Variants in LAMA3 observed in about 807,000 individuals in gnomAD.
The protein encoded by LAMA3 is laminin subunit alpha 3.
In LAMA3, 281 loss-of-function variants were observed where a neutral mutation model predicts 402.0. The observed-to-expected ratio is 0.70, with a 90% CI of 0.63 to 0.77. The LOEUF (loss-of-function observed/expected upper bound fraction) is 0.77, where lower values mean the gene tolerates loss of function less well. LAMA3 is among the 30% of genes least tolerant of loss of function. LAMA3 has a pLI of 0.00. For synonymous variants in LAMA3, 1,431 were observed against 1,558.4 expected, an observed-to-expected ratio of 0.92 and a Z score of 1.93; for missense variants, 3,840 against 4,215.5, an observed-to-expected ratio of 0.91 and a Z score of 2.47.
intron 8 of LAMA3, among the ~76,000 whole-genome samples, chr18:23,767,427 A>T (rs1197604135): frequency 6.6e-6 from 1 of 152,186 alleles, no homozygotes; most frequent in Non-Finnish European, 1.5e-5. Flanking sequence ...GGCAAAAAGA[A>T]CAAAGCCAGA....
chr18:23,826,669 T>A lies in LAMA3; in HGVS notation c.2572-33T>A, dbSNP rs1173270766. The A allele has an allele frequency of 3.6e-6, 5 of 1,401,208 alleles. No individual in the cohort carries two copies. The Admixed American group carries it at 5.9e-5, about 17-fold the overall frequency. The allele number at this position is 1,401,208 out of a possible 1,614,324, so 86.8% of individuals were successfully genotyped here. ...ATCCAAAGTAGGGCTACCATCAAAA[T>A]GAATGATTCTCCTTTTGGTCTTTAT... On this transcript the variant is annotated intron_variant, in intron 21 of 74. Transcript: ENST00000313654.
intron 54 of LAMA3, 118 bp downstream of exon 54, chr18:23,908,053 A>G: frequency 1.1e-6 from 1 of 933,630 alleles, no homozygotes; most frequent in Non-Finnish European, 1.7e-6. Flanking sequence ...ATTAGAAAAC[A>G]GCTCCACCTG....
intron 32 of LAMA3, among the ~76,000 whole-genome samples, chr18:23,853,218 C>T (rs369701903): frequency 6.6e-6 from 1 of 152,228 alleles, no homozygotes; most frequent in South Asian, 2.1e-4. Context: ...AGATTTTGGG[C>T]TCTAGGTTAA....
At chr18:23,751,673 T>A (rs2061755014) in intron 5 of LAMA3, among the ~76,000 whole-genome samples, 1 of 152,188 alleles carries the variant, frequency 6.6e-6, no homozygotes, top group African/African-American at 2.4e-5. Flanking sequence ...GGCTGGGTGA[T>A]GTCATCTAGC....
chr18:23,801,122 C>T (rs984682447), intron 12 of LAMA3, among the ~76,000 whole-genome samples: 1 of 152,154 alleles, frequency 6.6e-6, no homozygotes, highest in Non-Finnish European at 1.5e-5. Context: ...AGAATGAACT[C>T]ATGTCCTTTG....
intron 14 of LAMA3, among the ~76,000 whole-genome samples, chr18:23,813,583 G>A (rs1324477797): frequency 9.2e-5 from 10 of 109,174 alleles, no homozygotes; most frequent in East Asian, 8.0e-4. Context: ...TGCTCTTGTC[G>A]CCCAGGCCGG....
intron 2 of LAMA3, among the ~76,000 whole-genome samples, chr18:23,717,245 C>T (rs893060825): frequency 6.6e-6 from 1 of 152,092 alleles, no homozygotes; most frequent in African/African-American, 2.4e-5. Context: ...TGGAATTAAC[C>T]ATGAGAATGT....
At chr18:23,881,907 T>C (rs2064907563) in intron 39 of LAMA3, 29 bp from the exon 40 acceptor site, 1 of 1,408,930 alleles carries the variant, frequency 7.1e-7, no homozygotes, top group South Asian at 1.2e-5. Context: ...TACTGGCTGC[T>C]GTGAATTGTG....
At position 23,839,911 on chromosome 18, in the gene LAMA3, C is replaced by T. The variant is rs2063661179; in HGVS notation, c.3318C>T (p.Val1106=). Residue 1106 remains valine, a synonymous_variant, in exon 27 of 75, where the codon GTC becomes GTT. Coordinates refer to ENST00000313654, the MANE Select transcript of LAMA3 (RefSeq NM_198129.4). The surrounding 1 kb of genome is among the most constrained non-coding windows in gnomAD (Gnocchi z 4.5). ...CTTCTGTTGATGTTCTTCCTGGGGT[C>T]ACCTTGAAGGCACCGCAGGTAGTGT... ...SSPSVDVLPG[V]TLKAPQNQVT... 6.2e-6 allele frequency: 10 copies of T among 1,614,074 alleles called. No individual in the cohort carries two copies. The African/African-American group carries it at 1.1e-4, about 17-fold the overall frequency.
At chr18:23,748,930 T>C (rs751028442) in intron 3 of LAMA3, among the ~76,000 whole-genome samples, 8 of 152,322 alleles carry the variant, frequency 5.3e-5, no homozygotes, top group Middle Eastern at 3.4e-3. Context: ...ACCTGTAAGA[T>C]GGTAGAAGCT....
Position 23,933,781 on chromosome 18 carries a change from G to T in LAMA3, c.8709-1G>T, listed in dbSNP as rs1162878594. ...ATCTTTCATTTCTGCTCTTTTTCCA[G>T]GTTATCACTGAGTCCTGAAGTCCTA... On this transcript the variant is annotated splice_acceptor_variant, in intron 66 of 74. Coordinates refer to ENST00000313654, the MANE Select transcript of LAMA3 (RefSeq NM_198129.4). LOFTEE classifies it high-confidence loss of function. The T allele has an allele frequency of 6.2e-7, 1 of 1,613,946 alleles. No homozygotes were observed. Among genetic ancestry groups the T allele is most frequent in the Non-Finnish European group, 8.5e-7 (1 of 1,180,000 alleles).
intron 11 of LAMA3, among the ~76,000 whole-genome samples, chr18:23,779,051 C>T (rs2062382075): frequency 6.6e-6 from 1 of 152,032 alleles, no homozygotes; most frequent in African/African-American, 2.4e-5. Context: ...CAGCCCTGGG[C>T]CAAGGGTGTT....
At chr18:23,903,553 G>A (rs976925294) in intron 49 of LAMA3, among the ~76,000 whole-genome samples, 3 of 152,002 alleles carry the variant, frequency 2.0e-5, no homozygotes, top group East Asian at 1.9e-4. Flanking sequence ...TGTGCATAAC[G>A]TGCAGGTTAG....
At chr18:23,842,862 G>A (rs936420961) in intron 29 of LAMA3, 112 bp downstream of exon 29, 2 of 1,357,226 alleles carry the variant, frequency 1.5e-6, no homozygotes, top group African/African-American at 2.9e-5. Flanking sequence ...AGTCATATTT[G>A]TAGAAAAATG....
intron 1 of LAMA3, among the ~76,000 whole-genome samples, chr18:23,706,963 A>C (rs1056055553): frequency 6.6e-5 from 10 of 152,230 alleles, no homozygotes; most frequent in African/African-American, 2.2e-4. Context: ...CTGTAATCCC[A>C]GCTACTCAGG....
rs189345807 is a variant in LAMA3 at position 23,753,130 on chromosome 18, G to A, written c.856-591G>A. Among the ~76,000 whole-genome samples the A allele has an allele frequency of 6.0e-4, 92 of 152,324 alleles. 6 individuals are homozygous for A. The highest frequency in any genetic ancestry group is 4.0e-3 in the East Asian group (21 of 5,188). ...TAGGGGCCAATCCTCAGCTGGATCTGAGCTGGCTCTGTCTGGCCTTTCTGG... is the reference window on the plus strand; with the variant it reads ...TAGGGGCCAATCCTCAGCTGGATCTAAGCTGGCTCTGTCTGGCCTTTCTGG... On this transcript the variant is annotated intron_variant, in intron 5 of 74. Coordinates refer to ENST00000313654, the MANE Select transcript of LAMA3 (RefSeq NM_198129.4).
At chr18:23,736,472 G>C (rs978591830) in intron 2 of LAMA3, among the ~76,000 whole-genome samples, 1 of 151,046 alleles carries the variant, frequency 6.6e-6, no homozygotes, top group Non-Finnish European at 1.5e-5. Context: ...ATATTGCCTT[G>C]GGGGAAATCA....
intron 12 of LAMA3, among the ~76,000 whole-genome samples, chr18:23,796,628 T>C (rs2062768297): frequency 2.6e-5 from 4 of 152,218 alleles, no homozygotes; most frequent in Non-Finnish European, 5.9e-5. Context: ...ATGAATATAA[T>C]GTCTTATCTC....
chr18:23,908,533 CAAAAAAA>C (rs111961159), intron 54 of LAMA3, among the ~76,000 whole-genome samples: 8 of 57,020 alleles, frequency 1.4e-4, no homozygotes, highest in East Asian at 1.0e-3. Flanking sequence ...CCATCTCAAA[CAAAAAAA>C]AAAAAAAAAA....
Sources: allele counts gnomAD v4.1 joint callset (sites outside exome capture counted in the v4.1 genomes callset), GRCh38; gene constraint gnomAD v4.1.1; non-coding constraint Gnocchi (gnomAD v3.1); transcripts MANE v1.5; gene names NCBI Gene and HGNC (gene_info 2026-07-23, HGNC 2026-07-21).